POLDIP3: variants seen among roughly 807,000 people sequenced by gnomAD.
POLDIP3 encodes DNA polymerase delta interacting protein 3.
In POLDIP3, 14 loss-of-function variants were observed where a neutral mutation model predicts 45.1. That is an observed-to-expected ratio of 0.31 (90% CI 0.20 to 0.49). POLDIP3 has a LOEUF of 0.49. Ranked by LOEUF, POLDIP3 falls within the 20% of genes least tolerant of loss-of-function variation. POLDIP3 has a pLI of 0.99. For synonymous variants in POLDIP3, 223 were observed against 205.2 expected (o/e 1.09, Z -0.74); for missense variants, 511 against 538.8 (o/e 0.95, Z 0.51).
intron 1 of POLDIP3, among the ~76,000 whole-genome samples, chr22:42,603,915 T>G (rs1002871823): frequency 4.6e-5 from 7 of 152,192 alleles, no homozygotes; most frequent in Non-Finnish European, 7.3e-5. Context: ...AACATGTACA[T>G]GTACCCCCTG....
chr22:42,587,283 A>C (rs144998582), intron 8 of POLDIP3, among the ~76,000 whole-genome samples: 1 of 152,340 alleles, frequency 6.6e-6, no homozygotes, highest in East Asian at 1.9e-4. Context: ...CAGAAAGCTG[A>C]GAACGAGATC....
intron 1 of POLDIP3, among the ~76,000 whole-genome samples, chr22:42,609,695 T>C (rs8139812): frequency 9.4e-4 from 143 of 152,276 alleles, no homozygotes; most frequent in African/African-American, 3.3e-3. Flanking sequence ...CACTCCAGCC[T>C]GGGTGACAGA....
rs1431151496 is a variant in POLDIP3 at position 42,583,751 on chromosome 22, ATAAG to A, written c.*2036_*2039del. The stretch of plus-strand genomic sequence containing the variant: ...ATAACAAATGTTTATTCAGAAATGG[ATAAG>A]TAATACATAATCACCCTTCATCTCT... On this transcript the variant is annotated 3_prime_UTR_variant, in exon 9 of 9. Transcript: ENST00000252115. 1 of 152,232 alleles carries A rather than the reference ATAAG, an allele frequency of 6.6e-6. No individual in the cohort carries two copies. Among genetic ancestry groups the A allele is most frequent in the East Asian group, 1.9e-4 (1 of 5,186 alleles). The allele number at this position is 152,232 out of a possible 1,614,324, so 9.4% of individuals were successfully genotyped here. A position where few individuals can be genotyped will look rare whatever the true frequency, so the allele number is the denominator to read the frequency against.
chr22:42,592,112 G>A (rs201075001), intron 6 of POLDIP3, 28 bp from the exon 7 acceptor site: 2 of 1,613,056 alleles, frequency 1.2e-6, no homozygotes, highest in East Asian at 4.5e-5. Context: ...GGTTGGGATT[G>A]GGGAAGGATT....
At chr22:42,595,893 CT>C (rs1341779979) in intron 5 of POLDIP3, among the ~76,000 whole-genome samples, 1 of 152,174 alleles carries the variant, frequency 6.6e-6, no homozygotes, top group African/African-American at 2.4e-5. Flanking sequence ...TAAAAGAGCC[CT>C]TTTTCCCAGA....
intron 4 of POLDIP3, among the ~76,000 whole-genome samples, chr22:42,599,274 C>G (rs766569513): frequency 6.6e-6 from 1 of 152,250 alleles, no homozygotes; most frequent in African/African-American, 2.4e-5. Context: ...CTCTGAAAAT[C>G]TTACGGCCCA....
intron 6 of POLDIP3, among the ~76,000 whole-genome samples, chr22:42,593,504 C>T (rs543693812): frequency 3.3e-5 from 5 of 152,238 alleles, no homozygotes; most frequent in South Asian, 2.1e-4. Context: ...GTTGTTATTA[C>T]GCTCCTTAAC....
chr22:42,602,035 C>T lies in POLDIP3; in HGVS notation c.472G>A (p.Ala158Thr). Residue 158 changes from alanine to threonine, a missense_variant, in exon 3 of 9, where the codon GCA (alanine) becomes ACA (threonine). Coordinates refer to ENST00000252115, the MANE Select transcript of POLDIP3 (RefSeq NM_032311.5). ...CCGGCAGGATGGGGATGAAGTGGTG[C>T]CATGGCTTTCTGCTGTGGAACCTGG... ...TIQVPQQKAM[A>T]PLHPHPAGMR... The T allele has an allele frequency of 6.2e-7, 1 of 1,614,076 alleles. No individual in the cohort carries two copies. The highest frequency in any genetic ancestry group is 8.5e-7 in the Non-Finnish European group (1 of 1,179,984).
chr22:42,596,400 A>G (rs763120931), intron 4 of POLDIP3, 35 bp from the exon 5 acceptor site: 97 of 1,596,154 alleles, frequency 6.1e-5, no homozygotes, highest in Non-Finnish European at 7.7e-5. Context: ...CTGAGAAGCC[A>G]GACCTGCAAT....
intron 5 of POLDIP3, 60 bp from the exon 6 acceptor site, chr22:42,595,674 G>C: frequency 6.7e-7 from 1 of 1,499,942 alleles, no homozygotes; most frequent in Non-Finnish European, 9.3e-7. Context: ...TCCCACAACA[G>C]AAATTCCTCC....
intron 1 of POLDIP3, among the ~76,000 whole-genome samples, chr22:42,607,856 G>T (rs1328885502): frequency 1.4e-4 from 22 of 151,728 alleles, no homozygotes; most frequent in African/African-American, 5.1e-4. Flanking sequence ...GGGAAGTGAG[G>T]AGCCCCTCCG....
chr22:42,612,916 T>C (rs1927214007), intron 1 of POLDIP3, among the ~76,000 whole-genome samples: 1 of 152,066 alleles, frequency 6.6e-6, no homozygotes, highest in South Asian at 2.1e-4. Flanking sequence ...AGTTCAGAAC[T>C]CCCCTGGCCA....
chr22:42,595,252 C>G (rs1249534652), intron 6 of POLDIP3, among the ~76,000 whole-genome samples: 1 of 152,232 alleles, frequency 6.6e-6, no homozygotes, highest in African/African-American at 2.4e-5. Context: ...TAATGAGCTT[C>G]CCTGGTGTCA....
intron 2 of POLDIP3, 151 bp downstream of exon 2, chr22:42,602,619 A>AT (rs1926465494): frequency 1.2e-6 from 1 of 830,580 alleles, no homozygotes; most frequent in South Asian, 1.8e-5. Flanking sequence ...CCTTGGCTAT[A>AT]ACGTACTTAA....
At chr22:42,604,888 A>T (rs1157513239) in intron 1 of POLDIP3, among the ~76,000 whole-genome samples, 2 of 152,222 alleles carry the variant, frequency 1.3e-5, no homozygotes, top group Admixed American at 1.3e-4. Flanking sequence ...TGGTGGTAGA[A>T]GGTGGTGGCC....
intron 6 of POLDIP3, among the ~76,000 whole-genome samples, chr22:42,593,201 C>T (rs186385118): frequency 2.0e-5 from 3 of 152,248 alleles, no homozygotes; most frequent in Non-Finnish European, 2.9e-5. Flanking sequence ...TATTATTTCT[C>T]ATCATACTGT....
At position 42,584,991 on chromosome 22, in the gene POLDIP3, C is replaced by T. The variant is rs1313780168; in HGVS notation, c.*800G>A. On this transcript the variant is annotated 3_prime_UTR_variant, in exon 9 of 9. Transcript: ENST00000252115. ...CACAAAACCAGGGTGTGGTTAAGTG[C>T]CAGGCGAGGTGAGAACCGGGAGGGC... 8.8e-6 allele frequency: 4 copies of T among 456,310 alleles called. No individual in the cohort carries two copies. The highest frequency in any genetic ancestry group is 1.8e-5 in the Non-Finnish European group (4 of 226,954). 28.3% of individuals were successfully genotyped at this position (456,310 alleles called of 1,614,324 possible).
chr22:42,614,535 AG>A (rs1298164847), intron 1 of POLDIP3, among the ~76,000 whole-genome samples: 2 of 151,880 alleles, frequency 1.3e-5, no homozygotes, highest in African/African-American at 4.8e-5. Flanking sequence ...CCCAGGGGGC[AG>A]CCCCTCAGGT....
chr22:42,594,053 A>T (rs1925832777), intron 6 of POLDIP3, among the ~76,000 whole-genome samples: 1 of 152,144 alleles, frequency 6.6e-6, no homozygotes, highest in East Asian at 1.9e-4. Flanking sequence ...TGAGGTCAGG[A>T]GTTCAAGACC....
Sources: gnomAD v4.1 joint callset for allele counts (sites outside exome capture counted in the v4.1 genomes callset) on GRCh38, gnomAD v4.1.1 for gene constraint, MANE v1.5 for transcripts, NCBI Gene and HGNC (gene_info 2026-07-23, HGNC 2026-07-21) for gene names.